KHDRBS2: variants seen among roughly 807,000 people sequenced by gnomAD.
KHDRBS2 encodes the protein KH RNA binding domain containing, signal transduction associated 2.
KHDRBS2 carries 26 observed loss-of-function variants against 44.3 expected under a neutral mutation model. The observed-to-expected ratio is 0.59, with a 90% CI of 0.43 to 0.81. KHDRBS2 has a LOEUF of 0.81. Ranked by LOEUF, KHDRBS2 falls within the 40% of genes least tolerant of loss-of-function variation. The pLI, the probability that KHDRBS2 is intolerant of heterozygous loss-of-function variation, is 0.00. For synonymous variants in KHDRBS2, 194 were observed against 151.1 expected (o/e 1.28, Z -2.08); for missense variants, 476 against 433.1 (o/e 1.10, Z -0.88).
rs9450415 is a variant in KHDRBS2 at position 61,716,333 on chromosome 6, C to T, written c.893+16349G>A. 8.6e-3 allele frequency among the ~76,000 whole-genome samples: 1,304 copies of T among 152,026 alleles called. 15 individuals carry two copies. Among genetic ancestry groups the T allele is most frequent in the African/African-American group, 0.03 (1,246 of 41,492 alleles). ...CATTGAGTCACCCTTGGCTTCTGAG[C>T]CTTTGCAGCTGCGGCCCCAGACATA... On this transcript the variant is annotated intron_variant, in intron 7 of 8. Transcript: ENST00000281156.
chr6:62,252,579 T>C (rs1217432860), intron 1 of KHDRBS2, among the ~76,000 whole-genome samples: 1 of 152,024 alleles, frequency 6.6e-6, no homozygotes, highest in Non-Finnish European at 1.5e-5. Flanking sequence ...TCATAATGCC[T>C]ACTAGCCTCT....
chr6:62,193,728 C>T (rs1437370741), intron 1 of KHDRBS2, among the ~76,000 whole-genome samples: 1 of 152,138 alleles, frequency 6.6e-6, no homozygotes, highest in Admixed American at 6.6e-5. Context: ...ATCTCTGCAT[C>T]TTCACTGACA....
chr6:62,169,533 T>C (rs1819591689), intron 2 of KHDRBS2, among the ~76,000 whole-genome samples: 1 of 151,930 alleles, frequency 6.6e-6, no homozygotes, highest in Admixed American at 6.6e-5. Flanking sequence ...TTGGGATCCA[T>C]CAAGGCAGGA....
intron 2 of KHDRBS2, among the ~76,000 whole-genome samples, chr6:62,137,838 AAT>A (rs1811904025): frequency 6.6e-6 from 1 of 152,192 alleles, no homozygotes; most frequent in African/African-American, 2.4e-5. Flanking sequence ...CATTATTTAA[AAT>A]ATCCCAGTTC....
chr6:62,083,372 C>A (rs1291031405), intron 2 of KHDRBS2, among the ~76,000 whole-genome samples: 2 of 152,124 alleles, frequency 1.3e-5, no homozygotes, highest in Non-Finnish European at 2.9e-5. Flanking sequence ...CTTTCACTGG[C>A]AATAAAATCT....
intron 3 of KHDRBS2, among the ~76,000 whole-genome samples, chr6:62,034,389 A>G (rs1279303810): frequency 6.6e-6 from 1 of 151,914 alleles, no homozygotes; most frequent in East Asian, 1.9e-4. Flanking sequence ...ACAGGATAAT[A>G]TCTCTGATGA....
intron 6 of KHDRBS2, among the ~76,000 whole-genome samples, chr6:61,790,555 T>C (rs557957836): frequency 6.6e-6 from 1 of 151,668 alleles, no homozygotes; most frequent in South Asian, 2.1e-4. Flanking sequence ...ATCACTTACT[T>C]TTTTAATCTG....
intron 2 of KHDRBS2, among the ~76,000 whole-genome samples, chr6:62,103,738 C>T (rs1802465127): frequency 6.6e-6 from 1 of 152,196 alleles, no homozygotes; most frequent in Non-Finnish European, 1.5e-5. Flanking sequence ...AGCTGGCGAC[C>T]TTGCAGTGGC....
intron 6 of KHDRBS2, among the ~76,000 whole-genome samples, chr6:61,879,133 A>G (rs1799865100): frequency 6.6e-6 from 1 of 151,972 alleles, no homozygotes; most frequent in Non-Finnish European, 1.5e-5. Flanking sequence ...ACTACATCAA[A>G]TAGAAAGCAG....
chr6:61,773,520 T>C lies in KHDRBS2; in HGVS notation c.811-40756A>G, dbSNP rs1328909506. On this transcript the variant is annotated intron_variant, in intron 6 of 8. Transcript: ENST00000281156. ...TTTTTTCTTGTAAATTTGTTTTGAG[T>C]TCATTGTAGATTCTGGATATTAGCC... Among the ~76,000 whole-genome samples, 10 of 152,000 alleles carry C rather than the reference T, an allele frequency of 6.6e-5. No homozygotes were observed. The South Asian group carries it at 1.9e-3, about 28-fold the overall frequency.
intron 2 of KHDRBS2, among the ~76,000 whole-genome samples, chr6:62,113,769 C>T (rs1240485629): frequency 6.6e-6 from 1 of 152,050 alleles, no homozygotes; most frequent in Non-Finnish European, 1.5e-5. Flanking sequence ...TATTTACTAA[C>T]AGGGAATTTA....
chr6:62,134,868 C>T (rs1430082664), intron 2 of KHDRBS2, among the ~76,000 whole-genome samples: 1 of 152,152 alleles, frequency 6.6e-6, no homozygotes, highest in East Asian at 1.9e-4. Flanking sequence ...TATATTTATA[C>T]AACGCCTGTA....
chr6:62,158,806 T>C (rs1817004484), intron 2 of KHDRBS2, among the ~76,000 whole-genome samples: 1 of 152,034 alleles, frequency 6.6e-6, no homozygotes, highest in Admixed American at 6.6e-5. Flanking sequence ...TAATGACCTA[T>C]TTTTTTCATA....
At chr6:61,942,129 A>C (rs951492030) in intron 4 of KHDRBS2, among the ~76,000 whole-genome samples, 3 of 151,940 alleles carry the variant, frequency 2.0e-5, no homozygotes, top group African/African-American at 7.2e-5. Context: ...CCAATTAAAA[A>C]AAAGAAAAAT....
At chr6:61,880,042 A>AT (rs1406373824) in intron 6 of KHDRBS2, among the ~76,000 whole-genome samples, 2 of 152,002 alleles carry the variant, frequency 1.3e-5, no homozygotes, top group East Asian at 3.9e-4. Context: ...TAATTTTTAG[A>AT]TTTTTTGAGG....
chr6:62,239,623 G>T (rs183399230), intron 1 of KHDRBS2, among the ~76,000 whole-genome samples: 1 of 151,552 alleles, frequency 6.6e-6, no homozygotes, highest in Admixed American at 6.6e-5. Context: ...TGCTTTTGGG[G>T]GGAAAAAAAG....
chr6:61,665,519 A>C, the KHDRBS2 span, among the ~76,000 whole-genome samples: 1 of 151,376 alleles, frequency 6.6e-6, no homozygotes, highest in Admixed American at 6.6e-5. Context: ...TTACTGGCTT[A>C]ATGTAGAAAA....
intron 6 of KHDRBS2, among the ~76,000 whole-genome samples, chr6:61,883,726 C>T (rs543835307): frequency 6.6e-6 from 1 of 151,860 alleles, no homozygotes; most frequent in African/African-American, 2.4e-5. Context: ...GTATTATGTC[C>T]GTCCTATAGT....
At chr6:61,644,688 C>T in the KHDRBS2 span, among the ~76,000 whole-genome samples, 1 of 151,968 alleles carries the variant, frequency 6.6e-6, no homozygotes, top group Non-Finnish European at 1.5e-5. Flanking sequence ...TACATGTGGC[C>T]AACAAGCATA....
Sources: allele counts gnomAD v4.1 joint callset (sites outside exome capture counted in the v4.1 genomes callset), GRCh38; gene constraint gnomAD v4.1.1; transcripts MANE v1.5; gene names NCBI Gene and HGNC (gene_info 2026-07-23, HGNC 2026-07-21).